The following MILR1 variants were observed in gnomAD, a reference collection of about 807,000 sequenced individuals.
MILR1 encodes the protein allergin-1.
A neutral mutation model predicts 18.5 loss-of-function variants in MILR1; 31 were observed. The ratio of observed to expected loss-of-function variants is 1.68; its 90% CI spans 1.26 to 2.26. The LOEUF is 2.26. MILR1 is among the 30% of genes most tolerant of loss of function. The pLI, the probability that MILR1 is intolerant of heterozygous loss-of-function variation, is 0.00. For synonymous variants in MILR1, 85 were observed against 56.2 expected (o/e 1.51, Z -2.30); for missense variants, 257 against 157.4 (o/e 1.63, Z -3.38).
chr17:64,474,357 G>A, the MILR1 span, among the ~76,000 whole-genome samples: 4 of 151,906 alleles, frequency 2.6e-5, no homozygotes, highest in Non-Finnish European at 5.9e-5. Context: ...TTACAGGCGT[G>A]AGCCACCGTG....
At chr17:64,481,621 C>T in the MILR1 span, among the ~76,000 whole-genome samples, 1 of 151,706 alleles carries the variant, frequency 6.6e-6, no homozygotes, top group African/African-American at 2.4e-5. Flanking sequence ...GCCTGTAATC[C>T]CAGCACGTTG....
chr17:64,477,283 C>G, the MILR1 span, among the ~76,000 whole-genome samples: 1 of 152,128 alleles, frequency 6.6e-6, no homozygotes, highest in Non-Finnish European at 1.5e-5. Flanking sequence ...GGTGATTTGC[C>G]TAGAAATTAT....
chr17:64,469,030 T>G (rs1392996845), downstream of MILR1, among the ~76,000 whole-genome samples: 1 of 151,372 alleles, frequency 6.6e-6, no homozygotes, highest in Non-Finnish European at 1.5e-5. Context: ...GAGGTTGCAG[T>G]GAGCCAAGAT....
At chr17:64,469,176 G>T (rs1050691155), downstream of MILR1, among the ~76,000 whole-genome samples, 7 of 152,082 alleles carry the variant, frequency 4.6e-5, no homozygotes, top group African/African-American at 1.4e-4. Flanking sequence ...CAGGTGAAAT[G>T]AATTGGAATA....
At chr17:64,491,612 C>T in the MILR1 span, 7 of 1,531,610 alleles carry the variant, frequency 4.6e-6, no homozygotes, top group Non-Finnish European at 6.3e-6. Context: ...GGGACTTCAG[C>T]CCTAGTGGCC....
At chr17:64,479,119 T>A in the MILR1 span, among the ~76,000 whole-genome samples, 1 of 151,170 alleles carries the variant, frequency 6.6e-6, no homozygotes, top group South Asian at 2.1e-4. Flanking sequence ...ATTTTACACA[T>A]AATAAAACCA....
At chr17:64,460,720 T>C (rs1444622557) in intron 4 of MILR1, 102 bp from the exon 5 acceptor site, 6 of 436,632 alleles carry the variant, frequency 1.4e-5, no homozygotes, top group Non-Finnish European at 2.5e-5. Context: ...GCATAGTACA[T>C]TGGTTAACTT....
At chr17:64,481,642 G>A in the MILR1 span, among the ~76,000 whole-genome samples, 1 of 152,104 alleles carries the variant, frequency 6.6e-6, no homozygotes, top group African/African-American at 2.4e-5. Context: ...GGAGGCCGAG[G>A]TGGGCGGATC....
the MILR1 span, chr17:64,497,119 G>A: frequency 2.5e-6 from 2 of 791,640 alleles, no homozygotes; most frequent in South Asian, 1.5e-5. Context: ...GGAAGCGCAT[G>A]TCTGCGTTCC....
At chr17:64,494,794 A>G in the MILR1 span, among the ~76,000 whole-genome samples, 1 of 152,160 alleles carries the variant, frequency 6.6e-6, no homozygotes, top group South Asian at 2.1e-4. Flanking sequence ...TTTTAGCACC[A>G]TAAAGTGTTT....
chr17:64,461,675 G>T (rs967941425), intron 5 of MILR1, among the ~76,000 whole-genome samples: 2 of 152,062 alleles, frequency 1.3e-5, no homozygotes, highest in African/African-American at 4.8e-5. Context: ...CATTAAGCAC[G>T]TTCCCATTGT....
intron 2 of MILR1, among the ~76,000 whole-genome samples, chr17:64,450,542 C>A (rs1413707534): frequency 6.6e-5 from 10 of 152,132 alleles, no homozygotes; most frequent in Non-Finnish European, 1.0e-4. Flanking sequence ...TACAGTGGCA[C>A]AATCTCGGCT....
the MILR1 span, chr17:64,485,697 C>A: frequency 3.2e-6 from 5 of 1,579,830 alleles, no homozygotes; most frequent in Non-Finnish European, 3.5e-6. Flanking sequence ...TTTTTAGTTT[C>A]CCAAGTCTAT....
chr17:64,485,913 T>TTTTG, the MILR1 span: 1 of 1,604,670 alleles, frequency 6.2e-7, no homozygotes, highest in South Asian at 1.1e-5. Context: ...ACAGAACTTT[T>TTTTG]TTTGTTTGTT....
chr17:64,497,116 C>G, the MILR1 span: 1 of 803,772 alleles, frequency 1.2e-6, no homozygotes, highest in East Asian at 2.7e-5. Flanking sequence ...CCCGGAAGCG[C>G]ATGTCTGCGT....
the MILR1 span, among the ~76,000 whole-genome samples, chr17:64,473,822 A>T: frequency 6.6e-6 from 1 of 152,216 alleles, no homozygotes; most frequent in Admixed American, 6.6e-5. Flanking sequence ...AGTGGTTACT[A>T]CTGAGGCAGT....
chr17:64,482,096 CTT>C, the MILR1 span, among the ~76,000 whole-genome samples: 281 of 116,024 alleles, frequency 2.4e-3, no homozygotes, highest in African/African-American at 8.5e-3. Context: ...TTAATTAAAG[CTT>C]TTTTTTTTTT....
At chr17:64,472,241 T>C (rs998267824), downstream of MILR1, among the ~76,000 whole-genome samples, 2 of 151,496 alleles carry the variant, frequency 1.3e-5, no homozygotes, top group East Asian at 3.9e-4. Flanking sequence ...ATGGGGCAGG[T>C]GGATCACCTG....
the MILR1 span, among the ~76,000 whole-genome samples, chr17:64,481,740 C>T: frequency 1.3e-5 from 2 of 151,872 alleles, no homozygotes; most frequent in South Asian, 4.2e-4. Flanking sequence ...CCAGGTGTGG[C>T]GGTGTGTACC....
Sources: gnomAD v4.1 joint callset for allele counts (sites outside exome capture counted in the v4.1 genomes callset) on GRCh38, gnomAD v4.1.1 for gene constraint, MANE v1.5 for transcripts, NCBI Gene and HGNC (gene_info 2026-07-23, HGNC 2026-07-21) for gene names.